The following PTPRG variants were observed in gnomAD, a reference collection of about 807,000 sequenced individuals.
PTPRG encodes the protein receptor-type tyrosine-protein phosphatase gamma.
In PTPRG, 102 loss-of-function variants were observed where a neutral mutation model predicts 165.3. The observed-to-expected ratio is 0.62, with a 90% CI of 0.53 to 0.73. PTPRG has a LOEUF of 0.73. PTPRG is among the 30% of genes least tolerant of loss of function. PTPRG has a pLI of 0.00. For synonymous variants in PTPRG, 675 were observed against 669.5 expected, an observed-to-expected ratio of 1.01 and a Z score of -0.13; for missense variants, 1,866 against 1,861.4, an observed-to-expected ratio of 1.00 and a Z score of -0.05.
At position 61,748,965 on chromosome 3, in the gene PTPRG, C is replaced by A. The variant is rs376043244; in HGVS notation, c.173C>A (p.Pro58Gln). The change falls in exon 2 of 30, where the codon CCG (proline) becomes CAG (glutamine). Residue 58 changes from proline (P) to glutamine (Q), a missense_variant. This residue lies in a region of PTPRG where 408 missense variants were observed against 376.2 expected (regional missense o/e 1.08). Transcript: ENST00000474889. ...QIRRRKASGD[P>Q]YWAYSGAYGP... The stretch of plus-strand genomic sequence containing the variant: ...CGCAGGCGCAAGGCTTCAGGCGACC[C>A]GTACTGGGCCTACTCTGGTAAGTCC... The A allele has an allele frequency of 1.2e-6, 2 of 1,610,754 alleles. No individual in the cohort carries two copies. Among genetic ancestry groups the A allele is most frequent in the East Asian group, 2.2e-5 (1 of 44,834 alleles).
chr3:61,590,221 C>CA (rs11348723), intron 1 of PTPRG, among the ~76,000 whole-genome samples: 70,367 of 142,454 alleles, frequency 0.49, 17,651 homozygotes, highest in East Asian at 0.78. Flanking sequence ...TTTCTTTAAT[C>CA]AAAAAAAAAA....
chr3:61,868,730 T>C (rs2037479020), intron 2 of PTPRG, among the ~76,000 whole-genome samples: 1 of 152,098 alleles, frequency 6.6e-6, no homozygotes, highest in Non-Finnish European at 1.5e-5. Flanking sequence ...CTCTCCAGGG[T>C]TGTGGTCAAA....
At chr3:61,871,581 G>T (rs2037586009) in intron 2 of PTPRG, among the ~76,000 whole-genome samples, 1 of 151,984 alleles carries the variant, frequency 6.6e-6, no homozygotes, top group Non-Finnish European at 1.5e-5. Context: ...TCATCCTCTG[G>T]GCCCTGTTGG....
intron 5 of PTPRG, among the ~76,000 whole-genome samples, chr3:62,131,380 G>C (rs1241877506): frequency 6.6e-6 from 1 of 152,200 alleles, no homozygotes; most frequent in African/African-American, 2.4e-5. Context: ...TGTGCAGTGT[G>C]TGTTATTGTC....
intron 1 of PTPRG, among the ~76,000 whole-genome samples, chr3:61,582,419 T>A (rs1700321074): frequency 6.6e-6 from 1 of 152,138 alleles, no homozygotes; most frequent in Non-Finnish European, 1.5e-5. Flanking sequence ...TTCTTTTTCG[T>A]CCTGGCACAA....
intron 6 of PTPRG, among the ~76,000 whole-genome samples, chr3:62,153,448 C>T (rs533986056): frequency 2.6e-5 from 4 of 152,288 alleles, no homozygotes; most frequent in East Asian, 1.9e-4. Context: ...TCAGTTAATT[C>T]GAAGCCCATA....
At chr3:62,031,010 C>G (rs868338930) in intron 4 of PTPRG, among the ~76,000 whole-genome samples, 1 of 152,118 alleles carries the variant, frequency 6.6e-6, no homozygotes, top group East Asian at 1.9e-4. Flanking sequence ...ACTGGCTAAA[C>G]GGGCAACTCT....
At chr3:61,906,346 C>T (rs2038652082) in intron 2 of PTPRG, among the ~76,000 whole-genome samples, 2 of 151,538 alleles carry the variant, frequency 1.3e-5, no homozygotes, top group African/African-American at 4.9e-5. Context: ...ATCCCAGCTC[C>T]TCGGGAGGCT....
chr3:62,284,984 C>T (rs1039650318), intron 28 of PTPRG, among the ~76,000 whole-genome samples: 8 of 152,136 alleles, frequency 5.3e-5, no homozygotes, highest in Admixed American at 1.3e-4. Context: ...TCAAAAGTCA[C>T]TCTCTGAGAC....
Position 62,241,455 on chromosome 3 carries a change from C to T in PTPRG, c.2376-2352C>T, listed in dbSNP as rs1576170612. On this transcript the variant is annotated intron_variant, in intron 14 of 29. Transcript: ENST00000474889. The stretch of plus-strand genomic sequence containing the variant: ...CAGGTTTCTGATCCTTATCCCCAGT[C>T]GTGTGCTTTTCGCTGGCAATCATGG... Among the ~76,000 whole-genome samples, 10 of 152,252 alleles carry T rather than the reference C, an allele frequency of 6.6e-5. No individual in the cohort carries two copies. In the South Asian group the frequency reaches 2.1e-3, roughly 32 times the overall value.
At chr3:62,074,194 T>A (rs1326983953) in intron 4 of PTPRG, among the ~76,000 whole-genome samples, 2 of 151,104 alleles carry the variant, frequency 1.3e-5, no homozygotes, top group Non-Finnish European at 2.9e-5. Flanking sequence ...TGTGTGTGTG[T>A]GTGTGTGTGT....
chr3:62,263,024 T>G (rs1350185116), intron 17 of PTPRG, 130 bp downstream of exon 17: 3 of 682,162 alleles, frequency 4.4e-6, no homozygotes, highest in Non-Finnish European at 7.6e-6. Context: ...AACCTCTCAT[T>G]AGCCCATCTT....
At chr3:62,215,885 C>T (rs1295427070) in intron 12 of PTPRG, among the ~76,000 whole-genome samples, 3 of 152,152 alleles carry the variant, frequency 2.0e-5, no homozygotes, top group Non-Finnish European at 2.9e-5. Flanking sequence ...TTCCCAAGGC[C>T]GAGAAATTCT....
chr3:61,845,842 G>T (rs545746151), intron 2 of PTPRG, among the ~76,000 whole-genome samples: 2 of 149,666 alleles, frequency 1.3e-5, no homozygotes, highest in South Asian at 4.2e-4. Flanking sequence ...CATTTTGTGA[G>T]TGGAGGTTGT....
intron 4 of PTPRG, among the ~76,000 whole-genome samples, chr3:62,052,680 G>A (rs1700503031): frequency 6.6e-6 from 1 of 151,968 alleles, no homozygotes; most frequent in Non-Finnish European, 1.5e-5. Context: ...GGGTGACAGT[G>A]AGAACCTGTC....
At chr3:61,979,512 T>G (rs964418097) in intron 2 of PTPRG, among the ~76,000 whole-genome samples, 4 of 152,146 alleles carry the variant, frequency 2.6e-5, no homozygotes, top group Non-Finnish European at 5.9e-5. Flanking sequence ...AGGTTGCTAT[T>G]TTAGATAGTT....
chr3:61,620,923 C>T (rs905221746), intron 1 of PTPRG, among the ~76,000 whole-genome samples: 15 of 151,980 alleles, frequency 9.9e-5, no homozygotes, highest in African/African-American at 3.6e-4. Flanking sequence ...GCCACCGCGC[C>T]CGGCCTTACA....
chr3:62,288,566 G>A (rs111273679), intron 28 of PTPRG, among the ~76,000 whole-genome samples: 10 of 151,822 alleles, frequency 6.6e-5, no homozygotes, highest in Non-Finnish European at 1.3e-4. Context: ...CCAGCTACTC[G>A]GGAGGCTGAG....
chr3:62,028,669 A>T (rs896963384), intron 4 of PTPRG, among the ~76,000 whole-genome samples: 4 of 152,254 alleles, frequency 2.6e-5, no homozygotes, highest in African/African-American at 9.6e-5. Context: ...CATAACAGAA[A>T]CACACTCAAG....
Sources: allele counts gnomAD v4.1 joint callset (sites outside exome capture counted in the v4.1 genomes callset), GRCh38; gene constraint gnomAD v4.1.1; regional missense constraint gnomAD v4.1.1; transcripts MANE v1.5; gene names NCBI Gene and HGNC (gene_info 2026-07-23, HGNC 2026-07-21).